LIPF: variants seen among roughly 807,000 people sequenced by gnomAD.
LIPF encodes gastric triacylglycerol lipase.
A neutral mutation model predicts 38.0 loss-of-function variants in LIPF; 25 were observed. The observed-to-expected ratio is 0.66, with a 90% CI of 0.48 to 0.92. The LOEUF is 0.92. Among genes scored for constraint, LIPF ranks in the 40% least tolerant of loss-of-function variants. The pLI, the probability that LIPF is intolerant of heterozygous loss-of-function variation, is 0.00. For missense variants in LIPF, 410 were observed against 469.9 expected, an observed-to-expected ratio of 0.87 and a Z score of 1.18; for synonymous variants, 161 against 156.2, an observed-to-expected ratio of 1.03 and a Z score of -0.23.
rs17286979 is a variant in LIPF at position 88,666,319 on chromosome 10, A to C, written c.-11-968A>C. On this transcript the variant is annotated intron_variant, in intron 1 of 9. Coordinates refer to ENST00000238983, the MANE Select transcript of LIPF (RefSeq NM_004190.4). ...TTCAAGTCAAATATTTCTACATATG[A>C]TCTCGAAGTATTGCTCCTAACATAC... is the stretch of plus-strand genomic sequence containing the variant. 5.7e-3 allele frequency among the ~76,000 whole-genome samples: 868 copies of C among 152,312 alleles called. 7 individuals are homozygous for C. The highest frequency in any genetic ancestry group is 0.02 in the African/African-American group (829 of 41,562).
At chr10:88,671,747 A>G (rs1841599181) in intron 5 of LIPF, 82 bp from the exon 6 acceptor site, 1 of 1,526,282 alleles carries the variant, frequency 6.6e-7, no homozygotes, top group African/African-American at 1.4e-5. Flanking sequence ...GTCCAAAATA[A>G]TGTCACACTT....
At position 88,668,751 on chromosome 10, in the gene LIPF, T is replaced by C. The variant is rs770734591; in HGVS notation, c.417T>C (p.Ala139=). The C allele has an allele frequency of 2.5e-6, 4 of 1,613,304 alleles. No homozygotes were observed. The highest frequency in any genetic ancestry group is 3.4e-6 in the Non-Finnish European group (4 of 1,179,354). ...CACCAGATTCAGTTGAATTCTGGGC[T>C]TTCAGGTAAACAAAAGGGACAATTA... is the stretch of plus-strand genomic sequence containing the variant. The part of the protein sequence containing the change: ...YYSPDSVEFW[A]FSFDEMAKYD... Residue 139 remains alanine (A), a synonymous_variant, in exon 4 of 10, where the codon GCT becomes GCC. Coordinates refer to ENST00000238983, the MANE Select transcript of LIPF (RefSeq NM_004190.4).
chr10:88,666,425 C>T (rs1210028151), intron 1 of LIPF, among the ~76,000 whole-genome samples: 2 of 152,190 alleles, frequency 1.3e-5, no homozygotes, highest in African/African-American at 2.4e-5. Flanking sequence ...CTCTACATGG[C>T]TTCCCTTCAA....
At chr10:88,669,346 T>G (rs1489842333) in intron 4 of LIPF, 1 of 157,606 alleles carries the variant, frequency 6.3e-6, no homozygotes, top group East Asian at 1.9e-4. Flanking sequence ...GAAAATGACA[T>G]GAGTGAAGAC....
chr10:88,668,217 GA>G (rs200753502), intron 3 of LIPF, among the ~76,000 whole-genome samples: 20 of 145,636 alleles, frequency 1.4e-4, no homozygotes, highest in African/African-American at 3.0e-4. Flanking sequence ...AGTACAAAAA[GA>G]AAAAAAAAAG....
chr10:88,675,693 T>A lies in LIPF; in HGVS notation c.888+36T>A, dbSNP rs541837791. The A allele has an allele frequency of 1.7e-4, 250 of 1,464,996 alleles. 2 individuals are homozygous for A. In the South Asian group the frequency reaches 2.7e-3, roughly 16 times the overall value. 90.7% of individuals were successfully genotyped at this position (1,464,996 alleles called of 1,614,324 possible). On this transcript the variant is annotated intron_variant, in intron 8 of 9. Transcript: ENST00000238983. ...CCAAATGCTGTTAAAATGTATTTTGTGAGTCTCAACCCTTTTCACTTTACC... is the reference window on the plus strand; with the variant it reads ...CCAAATGCTGTTAAAATGTATTTTGAGAGTCTCAACCCTTTTCACTTTACC...
rs78788588 is a variant in LIPF, at chr10:88,668,034, C to T, written c.223+348C>T. Among the ~76,000 whole-genome samples, 1,192 of 152,212 alleles carry T rather than the reference C, an allele frequency of 7.8e-3. 15 individuals carry two copies. Among genetic ancestry groups the T allele is most frequent in the African/African-American group, 0.027 (1,125 of 41,532 alleles). On this transcript the variant is annotated intron_variant, in intron 3 of 9. Transcript: ENST00000238983. ...CTAAGGGAGTCAAGGAAAGCTCACT[C>T]TCAGAAACAGTAACTGGATGAAGAT...
intron 4 of LIPF, chr10:88,669,607 A>G (rs867281072): frequency 2.6e-6 from 1 of 382,368 alleles, no homozygotes; most frequent in Non-Finnish European, 4.8e-6. Context: ...TACAGATACT[A>G]TCTTGTTTGG....
At chr10:88,674,894 G>A (rs1043054298) in intron 7 of LIPF, among the ~76,000 whole-genome samples, 4 of 152,160 alleles carry the variant, frequency 2.6e-5, no homozygotes, top group Non-Finnish European at 4.4e-5. Context: ...TTAACAGAGA[G>A]TAGCCTGTCC....
intron 5 of LIPF, 109 bp downstream of exon 5, chr10:88,670,055 C>T: frequency 1.5e-6 from 1 of 686,058 alleles, no homozygotes. Flanking sequence ...TCATTTAATG[C>T]CTCCAACAAC....
Position 88,667,596 on chromosome 10 carries a change from C to T in LIPF, c.133C>T (p.Pro45Ser). 1.3e-6 allele frequency: 2 copies of T among 1,596,746 alleles called. No individual in the cohort carries two copies. The highest frequency in any genetic ancestry group is 1.7e-6 in the Non-Finnish European group (2 of 1,165,706). The change falls in exon 3 of 10, where the codon CCA becomes TCA. Residue 45 changes from proline to serine, a missense_variant. Transcript: ENST00000238983. ...TCAGATGATTACTTATTGGGGATAC[C>T]CAAATGAAGAATATGAAGTTGTGAC... The part of the protein sequence containing the change: ...ISQMITYWGY[P>S]NEEYEVVTED...
At chr10:88,674,764 C>G (rs1446593272) in intron 7 of LIPF, among the ~76,000 whole-genome samples, 1 of 152,136 alleles carries the variant, frequency 6.6e-6, no homozygotes, top group Non-Finnish European at 1.5e-5. Flanking sequence ...AGACAACTAT[C>G]TCCCCTCCAA....
intron 2 of LIPF, 78 bp downstream of exon 2, chr10:88,667,480 A>G (rs1285694080): frequency 1.9e-6 from 2 of 1,047,636 alleles, no homozygotes; most frequent in Non-Finnish European, 2.9e-6. Context: ...AAGATTTTAT[A>G]TGACCAATTA....
chr10:88,676,793 A>T (rs1337024534), intron 9 of LIPF, among the ~76,000 whole-genome samples: 2 of 152,248 alleles, frequency 1.3e-5, no homozygotes, highest in African/African-American at 4.8e-5. Flanking sequence ...GCATAGGCAG[A>T]CATATTAAGC....
At chr10:88,671,406 T>C (rs929314637) in intron 5 of LIPF, among the ~76,000 whole-genome samples, 2 of 152,214 alleles carry the variant, frequency 1.3e-5, no homozygotes, top group Admixed American at 6.5e-5. Flanking sequence ...AGTTTGGTCA[T>C]ATTTAAATTT....
chr10:88,678,591 T>C lies in LIPF; in HGVS notation c.1107T>C (p.Phe369=), dbSNP rs767621991. 6.2e-7 allele frequency: 1 copy of C among 1,614,068 alleles called. No homozygotes were observed. Among genetic ancestry groups the C allele is most frequent in the South Asian group, 1.1e-5 (1 of 91,086 alleles). The change falls in exon 10 of 10, where the codon TTT becomes TTC. Residue 369 remains phenylalanine (F), a synonymous_variant. Transcript: ENST00000238983. The part of the protein sequence containing the change: ...PNLIYHKEIP[F]YNHLDFIWAM... ...TTATTTACCACAAGGAGATTCCTTT[T>C]TACAATCACTTGGACTTTATCTGGG...
intron 7 of LIPF, 173 bp from the exon 8 acceptor site, chr10:88,675,413 C>A: frequency 1.7e-6 from 1 of 576,478 alleles, no homozygotes; most frequent in Non-Finnish European, 3.1e-6. Flanking sequence ...TTAACACATG[C>A]AATTGCACTT....
At chr10:88,675,447 A>C in intron 7 of LIPF, 139 bp from the exon 8 acceptor site, 1 of 645,414 alleles carries the variant, frequency 1.5e-6, no homozygotes, top group Non-Finnish European at 2.7e-6. Flanking sequence ...GTGACATACA[A>C]ATGTGTTGTT....
intron 1 of LIPF, among the ~76,000 whole-genome samples, chr10:88,667,011 A>G (rs1841521507): frequency 6.6e-6 from 1 of 152,142 alleles, no homozygotes; most frequent in African/African-American, 2.4e-5. Flanking sequence ...AGATTAATTC[A>G]GTATGGCTTG....
Sources: allele counts gnomAD v4.1 joint callset (sites outside exome capture counted in the v4.1 genomes callset), GRCh38; gene constraint gnomAD v4.1.1; transcripts MANE v1.5; gene names NCBI Gene and HGNC (gene_info 2026-07-23, HGNC 2026-07-21).